Variants in CAMTA1 observed in about 807,000 individuals in gnomAD.
The protein encoded by CAMTA1 is calmodulin binding transcription activator 1.
In CAMTA1, 27 loss-of-function variants were observed where a neutral mutation model predicts 170.9. The ratio of observed to expected loss-of-function variants is 0.16; its 90% confidence interval spans 0.12 to 0.22. The LOEUF is 0.22. CAMTA1 is among the 10% of genes least tolerant of loss of function. The probability of loss-of-function intolerance (pLI) is 1.00; values close to 1 mark genes in which losing one functional copy is unlikely to be tolerated. For synonymous variants in CAMTA1, 833 were observed against 891.5 expected (o/e 0.93, Z 1.17); for missense variants, 1,619 against 2,217.2 (o/e 0.73, Z 5.42).
intron 3 of CAMTA1, among the ~76,000 whole-genome samples, chr1:6,852,057 T>C (rs535049075): frequency 2.7e-5 from 4 of 149,994 alleles, no homozygotes; most frequent in Admixed American, 2.0e-4. Flanking sequence ...ACGTACTACA[T>C]TGAAAAGAGC....
At chr1:7,104,398 C>T (rs1053825904) in intron 4 of CAMTA1, among the ~76,000 whole-genome samples, 1 of 151,628 alleles carries the variant, frequency 6.6e-6, no homozygotes, top group Admixed American at 6.6e-5. Flanking sequence ...ACACAGCTTC[C>T]TGTGTTGGTC....
intron 5 of CAMTA1, among the ~76,000 whole-genome samples, chr1:7,303,680 A>G (rs564101360): frequency 6.6e-6 from 1 of 152,220 alleles, no homozygotes; most frequent in Non-Finnish European, 1.5e-5. Context: ...GGATGAGCAG[A>G]CAATAAGAAC....
chr1:7,255,747 C>T (rs1242000492), intron 5 of CAMTA1, among the ~76,000 whole-genome samples: 2 of 152,242 alleles, frequency 1.3e-5, no homozygotes, highest in East Asian at 1.9e-4. Context: ...ATCTACCCCA[C>T]ACGACCTTGC....
Position 7,039,556 on chromosome 1 carries a change from T to C in CAMTA1, c.235-51748T>C, listed in dbSNP as rs116077014. On this transcript the variant is annotated intron_variant, in intron 3 of 22. Coordinates refer to ENST00000303635, the MANE Select transcript of CAMTA1 (RefSeq NM_015215.4). ...AGATATTGAAAAACAAATGGAGATA[T>C]TTGGAAGACGTGTAGGTATGTGGGG... 5.1e-3 allele frequency among the ~76,000 whole-genome samples: 784 copies of C among 152,298 alleles called. 6 individuals carry two copies. The highest frequency in any genetic ancestry group is 0.018 in the African/African-American group (746 of 41,546).
In CAMTA1 at chr1:7,286,604, G is replaced by A. The variant is rs754061629; in HGVS notation, c.438+36978G>A. 2.8e-4 allele frequency among the ~76,000 whole-genome samples: 43 copies of A among 152,308 alleles called. 1 individual carries two copies. The Middle Eastern group carries it at 0.017, about 60-fold the overall frequency. ...CAATGCAGGATTTTGGCAGCAATGC[G>A]TTTCTATAAGAAGTGGAGATATTTG... On this transcript the variant is annotated intron_variant, in intron 5 of 22. Transcript: ENST00000303635. The surrounding 1 kb of genome is among the most constrained non-coding windows in gnomAD (Gnocchi z 4.2).
intron 11 of CAMTA1, among the ~76,000 whole-genome samples, chr1:7,712,731 G>A (rs1212415353): frequency 1.3e-5 from 2 of 152,178 alleles, no homozygotes; most frequent in Admixed American, 1.3e-4. Flanking sequence ...GCTGCTATGA[G>A]GAAATACTCC....
chr1:7,030,495 A>G (rs1336204824), intron 3 of CAMTA1, among the ~76,000 whole-genome samples: 1 of 152,214 alleles, frequency 6.6e-6, no homozygotes, highest in Non-Finnish European at 1.5e-5. Context: ...TGGTGAGCAC[A>G]AGTTTTTCCC....
intron 5 of CAMTA1, among the ~76,000 whole-genome samples, chr1:7,305,629 T>C (rs951057905): frequency 6.6e-6 from 1 of 152,106 alleles, no homozygotes; most frequent in Non-Finnish European, 1.5e-5. Flanking sequence ...ATGTACCAAT[T>C]TGTTTATCTG....
chr1:7,558,582 G>A (rs185238120), intron 6 of CAMTA1, among the ~76,000 whole-genome samples: 3 of 152,376 alleles, frequency 2.0e-5, no homozygotes, highest in African/African-American at 7.2e-5. Context: ...CACTAGGGCT[G>A]ATGGGCAGTG....
intron 6 of CAMTA1, among the ~76,000 whole-genome samples, chr1:7,590,741 C>T (rs1369172399): frequency 6.6e-6 from 1 of 152,190 alleles, no homozygotes; most frequent in Non-Finnish European, 1.5e-5. Flanking sequence ...GGCACCTTTG[C>T]CCACCCTCAG....
chr1:6,877,318 G>T (rs925566876), intron 3 of CAMTA1, among the ~76,000 whole-genome samples: 2 of 152,174 alleles, frequency 1.3e-5, no homozygotes, highest in South Asian at 2.1e-4. Context: ...TTTTGGCCTT[G>T]GCACCACCAA....
intron 3 of CAMTA1, among the ~76,000 whole-genome samples, chr1:6,890,202 T>C (rs890581913): frequency 6.6e-6 from 1 of 152,200 alleles, no homozygotes; most frequent in African/African-American, 2.4e-5. Flanking sequence ...TGCTCGTCAG[T>C]TTCCTACTCC....
At chr1:6,847,694 C>T (rs958036952) in intron 3 of CAMTA1, among the ~76,000 whole-genome samples, 1 of 151,072 alleles carries the variant, frequency 6.6e-6, no homozygotes, top group Non-Finnish European at 1.5e-5. Context: ...CATGCACTGC[C>T]ACCCCCAGCT....
chr1:7,606,700 AG>A (rs1410121602), intron 6 of CAMTA1, among the ~76,000 whole-genome samples: 5 of 152,176 alleles, frequency 3.3e-5, no homozygotes, highest in Non-Finnish European at 5.9e-5. Flanking sequence ...CCTCCTCTCC[AG>A]GGGATGGGAA....
chr1:7,519,254 C>T (rs1453209628), intron 6 of CAMTA1, among the ~76,000 whole-genome samples: 2 of 152,052 alleles, frequency 1.3e-5, no homozygotes, highest in African/African-American at 4.8e-5. Context: ...CCTCACCTGT[C>T]TCCTTGAGGC....
intron 10 of CAMTA1, chr1:7,672,102 G>A (rs766306178): frequency 2.2e-6 from 1 of 455,866 alleles, no homozygotes; most frequent in African/African-American, 2.0e-5. Context: ...AAACAGGAGG[G>A]GGGTAAGGAT....
In CAMTA1 at chr1:7,093,865, G is replaced by T. The variant is rs1270227196; in HGVS notation, c.302+2494G>T. Among the ~76,000 whole-genome samples the T allele has an allele frequency of 6.6e-6, 1 of 152,184 alleles. No homozygotes were observed. The highest frequency in any genetic ancestry group is 1.5e-5 in the Non-Finnish European group (1 of 68,040). ...AAAGGTCATCTTAGCTCCTTTAAAA[G>T]CCCTGGTTTTTCTTCTTCATATAGA... On this transcript the variant is annotated intron_variant, in intron 4 of 22. Transcript: ENST00000303635. The surrounding 1 kb of genome is among the most constrained non-coding windows in gnomAD (Gnocchi z 4.6).
chr1:6,891,291 G>C (rs1674447392), intron 3 of CAMTA1, among the ~76,000 whole-genome samples: 1 of 152,154 alleles, frequency 6.6e-6, no homozygotes, highest in African/African-American at 2.4e-5. Flanking sequence ...TCCCTGATGA[G>C]TTTTCATATA....
In CAMTA1 at chr1:6,965,674, G is replaced by A. The variant is rs1306782861; in HGVS notation, c.235-125630G>A. Among the ~76,000 whole-genome samples, 1 of 152,184 alleles carries A rather than the reference G, an allele frequency of 6.6e-6. No individual in the cohort carries two copies. The highest frequency in any genetic ancestry group is 1.5e-5 in the Non-Finnish European group (1 of 68,044). ...ACAACAAGTAAAGAAAACTTAGCTG[G>A]CAATAAAATAAGGGACTTTTTATGG... On this transcript the variant is annotated intron_variant, in intron 3 of 22. Transcript: ENST00000303635. This position sits in a 1 kb window ranked among gnomAD's most constrained non-coding sequence, Gnocchi z 4.1.
Sources: allele counts gnomAD v4.1 joint callset (sites outside exome capture counted in the v4.1 genomes callset), GRCh38; gene constraint gnomAD v4.1.1; non-coding constraint Gnocchi (gnomAD v3.1); transcripts MANE v1.5; gene names NCBI Gene and HGNC (gene_info 2026-07-23, HGNC 2026-07-21).